MCC: variants seen among roughly 807,000 people sequenced by gnomAD.
MCC encodes MCC regulator of Wnt signaling pathway.
Under a neutral mutation model 116.2 loss-of-function variants are expected in MCC, and 90 were observed. The observed-to-expected ratio is 0.77, with a 90% CI of 0.65 to 0.92. The LOEUF is 0.92. MCC is among the 40% of genes least tolerant of loss of function. The probability of loss-of-function intolerance (pLI) is 0.00; values close to 1 mark genes in which losing one functional copy is unlikely to be tolerated. For synonymous variants in MCC, 578 were observed against 510.5 expected, an observed-to-expected ratio of 1.13 and a Z score of -1.78; for missense variants, 1,516 against 1,312.2, an observed-to-expected ratio of 1.16 and a Z score of -2.40.
At chr5:113,042,836 G>T (rs1751811810) in intron 17 of MCC, among the ~76,000 whole-genome samples, 1 of 151,334 alleles carries the variant, frequency 6.6e-6, no homozygotes, top group African/African-American at 2.4e-5. Context: ...AAATAATGTA[G>T]ACATATTATG....
intron 6 of MCC, among the ~76,000 whole-genome samples, chr5:113,120,908 C>T (rs1387861078): frequency 6.6e-6 from 1 of 152,152 alleles, no homozygotes; most frequent in Admixed American, 6.6e-5. Context: ...CACTATAAAC[C>T]CATGGGCAAA....
rs189780168 is a variant in MCC, at chr5:113,399,565, A to G, written c.171-14353T>C. ...ATTATTCTAAGTAAATAAGGAAAAT[A>G]GAAGCTTTTTTCCCCTCAGAACATA... On this transcript the variant is annotated intron_variant, in intron 1 of 18. Coordinates refer to ENST00000408903, the MANE Select transcript of MCC (RefSeq NM_001085377.2). Among the ~76,000 whole-genome samples, 9 of 152,330 alleles carry G rather than the reference A, an allele frequency of 5.9e-5. No individual in the cohort carries two copies. In the East Asian group the frequency reaches 1.3e-3, roughly 23 times the overall value.
chr5:113,258,026 G>C (rs1765085056), intron 3 of MCC, among the ~76,000 whole-genome samples: 2 of 152,194 alleles, frequency 1.3e-5, no homozygotes, highest in Admixed American at 6.5e-5. Flanking sequence ...CTAAAATTGA[G>C]AGAAGTGAGC....
chr5:113,081,431 T>C (rs1375547437), intron 11 of MCC, among the ~76,000 whole-genome samples: 2 of 152,158 alleles, frequency 1.3e-5, no homozygotes, highest in African/African-American at 4.8e-5. Flanking sequence ...AACACCATAA[T>C]AACATCAGCT....
At chr5:113,184,472 G>GTTTTTTTTTTTTTTT (rs200787776) in intron 3 of MCC, among the ~76,000 whole-genome samples, 19 of 123,790 alleles carry the variant, frequency 1.5e-4, no homozygotes, top group East Asian at 2.3e-4. Context: ...TTCTTTCTTC[G>GTTTTTTTTTTTTTTT]TTTTTTGTTT....
intron 11 of MCC, among the ~76,000 whole-genome samples, chr5:113,076,335 G>C (rs1169250472): frequency 6.6e-6 from 1 of 152,122 alleles, no homozygotes; most frequent in Non-Finnish European, 1.5e-5. Flanking sequence ...CTTGAGAAGA[G>C]CATCTCCAAG....
At position 113,450,731 on chromosome 5, in the gene MCC, G is replaced by A. The variant is rs552887371; in HGVS notation, c.170+37514C>T. Among the ~76,000 whole-genome samples, 14 of 152,266 alleles carry A rather than the reference G, an allele frequency of 9.2e-5. 1 individual carries two copies. The South Asian group carries it at 2.7e-3, about 29-fold the overall frequency. On this transcript the variant is annotated intron_variant, in intron 1 of 18. Coordinates refer to ENST00000408903, the MANE Select transcript of MCC (RefSeq NM_001085377.2). ...AAACTGCCTCTTCCATGGTACACAT[G>A]TACCTACGTGCTGAGAAAGTGTCAC...
intron 5 of MCC, 152 bp from the exon 6 acceptor site, chr5:113,122,978 G>A: frequency 1.3e-6 from 1 of 769,534 alleles, no homozygotes; most frequent in Admixed American, 2.7e-5. Context: ...AGGCGAAATA[G>A]ATAGTCACAT....
chr5:113,204,521 C>T (rs549445877), intron 3 of MCC: 4 of 152,328 alleles, frequency 2.6e-5, no homozygotes, highest in African/African-American at 7.2e-5. Flanking sequence ...ACCTGATGCT[C>T]ATTTCATCAA....
At chr5:113,159,535 C>T (rs11742683) in intron 3 of MCC, among the ~76,000 whole-genome samples, 4 of 152,188 alleles carry the variant, frequency 2.6e-5, no homozygotes, top group Admixed American at 2.0e-4. Flanking sequence ...TGTCCAGAGG[C>T]TACCTCTCTC....
chr5:113,393,669 A>T (rs997676932), intron 1 of MCC, among the ~76,000 whole-genome samples: 1 of 152,224 alleles, frequency 6.6e-6, no homozygotes, highest in Non-Finnish European at 1.5e-5. Flanking sequence ...TAGAGACAGT[A>T]GTCTAATTCC....
intron 3 of MCC, among the ~76,000 whole-genome samples, chr5:113,165,125 T>C (rs1760700347): frequency 6.6e-6 from 1 of 152,238 alleles, no homozygotes; most frequent in African/African-American, 2.4e-5. Context: ...AAATCAAAGA[T>C]GTCAGAATTG....
chr5:113,452,363 A>C (rs1280183888), intron 1 of MCC, among the ~76,000 whole-genome samples: 1 of 152,206 alleles, frequency 6.6e-6, no homozygotes, highest in Non-Finnish European at 1.5e-5. Context: ...CTTAATCACC[A>C]ATGTGATGGT....
At chr5:113,346,899 C>T (rs13362511) in intron 2 of MCC, among the ~76,000 whole-genome samples, 4,940 of 149,498 alleles carry the variant, frequency 0.033, 119 homozygotes, top group African/African-American at 0.069. Flanking sequence ...GTAAACCTTA[C>T]AGGCCAGGAG....
intron 3 of MCC, among the ~76,000 whole-genome samples, chr5:113,169,454 C>T (rs1760955562): frequency 6.6e-6 from 1 of 152,078 alleles, no homozygotes; most frequent in African/African-American, 2.4e-5. Context: ...CCAGCATGGA[C>T]CAGCAAGGCC....
chr5:113,085,932 C>T (rs1755173652), intron 8 of MCC, among the ~76,000 whole-genome samples: 1 of 152,242 alleles, frequency 6.6e-6, no homozygotes, highest in African/African-American at 2.4e-5. Flanking sequence ...TCAAGCGATT[C>T]TCCCACCTCA....
At chr5:113,145,785 AACACACACACACACACAC>A (rs765343942) in intron 4 of MCC, among the ~76,000 whole-genome samples, 1 of 6,396 alleles carries the variant, frequency 1.6e-4, no homozygotes, top group Admixed American at 2.0e-3. Flanking sequence ...CACACACACA[AACACACACACACACACAC>A]ACAAAAGACC....
chr5:113,204,762 T>C (rs115994221), intron 3 of MCC, among the ~76,000 whole-genome samples: 3 of 152,188 alleles, frequency 2.0e-5, no homozygotes, highest in Non-Finnish European at 2.9e-5. Context: ...GGTAATTGCA[T>C]CTACTTCTGA....
At chr5:113,120,791 C>T (rs760381012) in intron 6 of MCC, among the ~76,000 whole-genome samples, 3 of 152,232 alleles carry the variant, frequency 2.0e-5, no homozygotes, top group Non-Finnish European at 4.4e-5. Flanking sequence ...CATCTGCAAA[C>T]ACCCTGATGT....
Sources: gnomAD v4.1 joint callset for allele counts (sites outside exome capture counted in the v4.1 genomes callset) on GRCh38, gnomAD v4.1.1 for gene constraint, MANE v1.5 for transcripts, NCBI Gene and HGNC (gene_info 2026-07-23, HGNC 2026-07-21) for gene names.